Variants in POLD3 observed in about 807,000 individuals in gnomAD.
The protein encoded by POLD3 is DNA polymerase delta subunit 3.
In POLD3, 19 loss-of-function variants were observed where a neutral mutation model predicts 58.2. That is an observed-to-expected ratio of 0.33 (90% CI 0.23 to 0.48). POLD3 has a LOEUF of 0.48. Ranked by LOEUF, POLD3 falls within the 20% of genes least tolerant of loss-of-function variation. The pLI is 0.99. For synonymous variants in POLD3, 172 were observed against 193.5 expected, an observed-to-expected ratio of 0.89 and a Z score of 0.92; for missense variants, 504 against 545.5, an observed-to-expected ratio of 0.92 and a Z score of 0.76.
At chr11:74,629,430 G>T in intron 9 of POLD3, 107 bp downstream of exon 9, 2 of 615,264 alleles carry the variant, frequency 3.3e-6, no homozygotes, top group Non-Finnish European at 5.7e-6. Context: ...AGTAATTCTA[G>T]CATTAAGAGA....
At chr11:74,633,139 C>T (rs2032644378) in intron 9 of POLD3, among the ~76,000 whole-genome samples, 1 of 152,184 alleles carries the variant, frequency 6.6e-6, no homozygotes, top group African/African-American at 2.4e-5. Flanking sequence ...TACTGTGAGT[C>T]TCAAAATTCC....
intron 5 of POLD3, 57 bp downstream of exon 5, chr11:74,613,067 T>A (rs1486089716): frequency 2.6e-6 from 4 of 1,517,122 alleles, no homozygotes; most frequent in Non-Finnish European, 3.6e-6. Context: ...GTAAGATGTT[T>A]ACACAGTGGC....
At chr11:74,601,160 GAT>G (rs992907610) in intron 2 of POLD3, among the ~76,000 whole-genome samples, 2 of 152,220 alleles carry the variant, frequency 1.3e-5, no homozygotes, top group African/African-American at 4.8e-5. Context: ...GTGGATAAAA[GAT>G]AGTGCATTTG....
chr11:74,625,852 A>G (rs2032416955), intron 8 of POLD3, among the ~76,000 whole-genome samples: 1 of 135,164 alleles, frequency 7.4e-6, no homozygotes, highest in Admixed American at 7.7e-5. Context: ...ATTTGTGGAC[A>G]TGGCATAAGT....
Position 74,636,212 on chromosome 11 carries a change from A to G in POLD3, c.1135A>G (p.Asn379Asp). Residue 379 changes from asparagine (N) to aspartate (D), a missense_variant, in exon 11 of 12, where the codon AAC becomes GAC. By Grantham distance (23) the Asn-to-Asp change is conservative (BLOSUM62 1). Transcript: ENST00000263681. ...PPSVKSSSGENKRKRKRVLKS... is the reference protein window; with the variant it reads ...PPSVKSSSGEDKRKRKRVLKS... ...GACCTTTTAGAGCTCAAGTGGAGAA[A>G]ACAAAAGAAAACGAAAACGCGTACT... 4 of 1,609,974 alleles carry G rather than the reference A, an allele frequency of 2.5e-6. No homozygotes were observed. In the South Asian group the frequency reaches 4.4e-5, roughly 18 times the overall value.
chr11:74,593,515 G>A (rs1471550968), intron 1 of POLD3, among the ~76,000 whole-genome samples: 2 of 152,248 alleles, frequency 1.3e-5, no homozygotes, highest in Non-Finnish European at 2.9e-5. Context: ...TGAGAGAAGA[G>A]AGTGCAGGCA....
At chr11:74,639,231 A>G (rs777640320) in intron 11 of POLD3, among the ~76,000 whole-genome samples, 1 of 152,200 alleles carries the variant, frequency 6.6e-6, no homozygotes, top group Non-Finnish European at 1.5e-5. Flanking sequence ...CTGGCAATCT[A>G]TGTTTTAACA....
intron 11 of POLD3, among the ~76,000 whole-genome samples, chr11:74,637,978 A>G (rs1379697007): frequency 6.6e-6 from 1 of 152,062 alleles, no homozygotes; most frequent in Non-Finnish European, 1.5e-5. Flanking sequence ...ATGGGTTTAG[A>G]AAGCTCATCT....
In POLD3 at chr11:74,663,275, C is replaced by T. The variant is rs115821427; in HGVS notation, c.370-5502C>T. 8.0e-3 allele frequency among the ~76,000 whole-genome samples: 1,215 copies of T among 152,240 alleles called. 20 individuals are homozygous for T. Among genetic ancestry groups the T allele is most frequent in the African/African-American group, 0.027 (1,127 of 41,530 alleles). On this transcript the variant is annotated intron_variant, in intron 4 of 4. Transcript: ENST00000524752. Reference sequence around the variant, plus strand: ...ATACCACATTTGTAGATTGGAAGAACGCAATATTGTTAACTTGTCAGTTCT... The same window carrying T: ...ATACCACATTTGTAGATTGGAAGAATGCAATATTGTTAACTTGTCAGTTCT...
At position 74,634,649 on chromosome 11, in the gene POLD3, C is replaced by G. The variant is rs1209571415; in HGVS notation, c.1073C>G (p.Pro358Arg). 3 of 1,613,176 alleles carry G rather than the reference C, an allele frequency of 1.9e-6. No individual in the cohort carries two copies. Among genetic ancestry groups the G allele is most frequent in the African/African-American group, 1.3e-5 (1 of 74,920 alleles). The part of the protein sequence containing the change: ...SPSPPPPPSP[P>R]LEPVPKTEPE... ...TCCCCACCTCCTCCTCCGTCTCCACCTCTTGAACCAGTGCCAAAGACTGAG... is the reference window on the plus strand; with the variant it reads ...TCCCCACCTCCTCCTCCGTCTCCACGTCTTGAACCAGTGCCAAAGACTGAG... Residue 358 changes from proline (P) to arginine (R), a missense_variant, in exon 10 of 12, where the codon CCT becomes CGT. By Grantham distance (103) the Pro-to-Arg change is moderately radical. This residue lies in a region of POLD3 where 385 missense variants were observed against 370.5 expected (regional missense o/e 1.04). Transcript: ENST00000263681.
At chr11:74,593,124 C>T in intron 1 of POLD3, 1 of 714,956 alleles carries the variant, frequency 1.4e-6, no homozygotes, top group South Asian at 5.2e-5. Flanking sequence ...CCTCCAGATA[C>T]TGTTTCCTCT....
intron 4 of POLD3, among the ~76,000 whole-genome samples, chr11:74,660,028 A>G (rs4644667): frequency 0.56 from 85,565 of 152,058 alleles, 24,486 homozygotes; most frequent in Middle Eastern, 0.61. Flanking sequence ...GGGAAGAAAA[A>G]GAGGTTTAAT....
At chr11:74,598,794 C>G (rs2031374200) in intron 2 of POLD3, among the ~76,000 whole-genome samples, 1 of 152,062 alleles carries the variant, frequency 6.6e-6, no homozygotes, top group South Asian at 2.1e-4. Context: ...GCTTGTGTTC[C>G]AGCACAATGT....
chr11:74,634,565 T>C lies in POLD3; in HGVS notation c.1007-18T>C. 7.6e-7 allele frequency: 1 copy of C among 1,318,250 alleles called. No individual in the cohort carries two copies. The highest frequency in any genetic ancestry group is 1.1e-6 in the Non-Finnish European group (1 of 910,338). 81.7% of individuals were successfully genotyped at this position (1,318,250 alleles called of 1,614,324 possible). A position where few individuals can be genotyped will look rare whatever the true frequency, so the allele number is the denominator to read the frequency against. ...AGTGCTTGTAGTTCTCTGATCTAAGTCCGTTTCATTATTTCAGTCTTTCCA... is the reference window on the plus strand; with the variant it reads ...AGTGCTTGTAGTTCTCTGATCTAAGCCCGTTTCATTATTTCAGTCTTTCCA... On this transcript the variant is annotated intron_variant, in intron 9 of 11. Coordinates refer to ENST00000263681, the MANE Select transcript of POLD3 (RefSeq NM_006591.3).
chr11:74,639,901 T>G (rs958621515), intron 11 of POLD3, among the ~76,000 whole-genome samples: 1 of 152,224 alleles, frequency 6.6e-6, no homozygotes, highest in Non-Finnish European at 1.5e-5. Flanking sequence ...TAGCATTTGC[T>G]TGAGATAGTT....
At chr11:74,634,853 G>A (rs1010836414) in intron 10 of POLD3, among the ~76,000 whole-genome samples, 158 bp downstream of exon 10, 24 of 152,186 alleles carry the variant, frequency 1.6e-4, no homozygotes, top group Non-Finnish European at 3.2e-4. Context: ...CAGAATGGGC[G>A]TTCCCTCCAT....
downstream of POLD3, among the ~76,000 whole-genome samples, chr11:74,646,456 A>G (rs1374931113): frequency 6.6e-6 from 1 of 152,208 alleles, no homozygotes; most frequent in East Asian, 1.9e-4. Flanking sequence ...AGTATACCAT[A>G]CTTAACTAAA....
chr11:74,641,747 G>A lies in POLD3; in HGVS notation c.*981G>A, dbSNP rs1024332900. 1 of 985,230 alleles carries A rather than the reference G, an allele frequency of 1.0e-6. No individual in the cohort carries two copies. Among genetic ancestry groups the A allele is most frequent in the African/African-American group, 1.7e-5 (1 of 57,230 alleles). 61.0% of individuals were successfully genotyped at this position (985,230 alleles called of 1,614,324 possible). On this transcript the variant is annotated 3_prime_UTR_variant, in exon 12 of 12. Transcript: ENST00000263681. Reference sequence around the variant, plus strand: ...AACAGCACTTTTCCAGGAAGTTAGTGAGGAAGATAAGGCACACATTTATTT... The same window carrying A: ...AACAGCACTTTTCCAGGAAGTTAGTAAGGAAGATAAGGCACACATTTATTT...
chr11:74,629,850 TAA>T (rs943240864), intron 9 of POLD3, among the ~76,000 whole-genome samples: 1 of 152,034 alleles, frequency 6.6e-6, no homozygotes, highest in South Asian at 2.1e-4. Flanking sequence ...AATATGCTTT[TAA>T]AAAAATATCA....
Sources: gnomAD v4.1 joint callset for allele counts (sites outside exome capture counted in the v4.1 genomes callset) on GRCh38, gnomAD v4.1.1 for gene constraint, gnomAD v4.1.1 regional missense constraint, MANE v1.5 for transcripts, NCBI Gene and HGNC (gene_info 2026-07-23, HGNC 2026-07-21) for gene names.